Variants in ZMAT4 observed in about 807,000 individuals in gnomAD.
ZMAT4 encodes the protein zinc finger matrin-type protein 4.
A neutral mutation model predicts 28.7 loss-of-function variants in ZMAT4; 17 were observed. The ratio of observed to expected loss-of-function variants is 0.59; its 90% CI spans 0.41 to 0.89. The LOEUF (loss-of-function observed/expected upper bound fraction) is 0.89. Ranked by LOEUF, ZMAT4 falls within the 40% of genes least tolerant of loss-of-function variation. The pLI is 0.00. For synonymous variants in ZMAT4, 117 were observed against 109.2 expected (o/e 1.07, Z -0.44); for missense variants, 240 against 283.8 (o/e 0.85, Z 1.11).
intron 4 of ZMAT4, among the ~76,000 whole-genome samples, chr8:40,687,436 G>A (rs557261990): frequency 5.9e-5 from 9 of 152,216 alleles, no homozygotes; most frequent in Admixed American, 5.9e-4. Context: ...GAGAGATATT[G>A]GGTAAAGCAT....
intron 3 of ZMAT4, among the ~76,000 whole-genome samples, chr8:40,756,888 C>T (rs755624165): frequency 3.9e-5 from 6 of 152,198 alleles, no homozygotes; most frequent in African/African-American, 7.2e-5. Flanking sequence ...ACTGAGCTCA[C>T]GGCCAGCATT....
At chr8:40,535,909 G>C (rs1266783288) in intron 6 of ZMAT4, among the ~76,000 whole-genome samples, 1 of 152,126 alleles carries the variant, frequency 6.6e-6, no homozygotes, top group African/African-American at 2.4e-5. Context: ...AGCTTATAGT[G>C]ACAAGGAAAA....
intron 5 of ZMAT4, among the ~76,000 whole-genome samples, chr8:40,600,593 C>T (rs1805267528): frequency 3.3e-5 from 5 of 152,184 alleles, no homozygotes. Context: ...AATTCTATGC[C>T]CCAGGACAGA....
At chr8:40,765,968 A>C (rs1813141842) in intron 3 of ZMAT4, among the ~76,000 whole-genome samples, 1 of 152,226 alleles carries the variant, frequency 6.6e-6, no homozygotes, top group South Asian at 2.1e-4. Flanking sequence ...TCCAGTAGCC[A>C]TAGAGTTCGG....
At chr8:40,653,860 C>T (rs1158582719) in intron 5 of ZMAT4, among the ~76,000 whole-genome samples, 9 of 152,144 alleles carry the variant, frequency 5.9e-5, no homozygotes, top group African/African-American at 4.8e-5. Flanking sequence ...CAATCCTTCA[C>T]AAAGTCTTTC....
intron 1 of ZMAT4, among the ~76,000 whole-genome samples, chr8:40,852,751 G>T (rs1817156986): frequency 6.6e-6 from 1 of 152,010 alleles, no homozygotes; most frequent in African/African-American, 2.4e-5. Flanking sequence ...ATCATGCATT[G>T]GTAAAACTGT....
chr8:40,586,525 G>A (rs779051160), intron 5 of ZMAT4, among the ~76,000 whole-genome samples: 97 of 152,182 alleles, frequency 6.4e-4, no homozygotes, highest in Non-Finnish European at 1.1e-3. Context: ...CTAGAGGAGA[G>A]GAGATTGTTT....
chr8:40,661,694 T>C (rs937327634), intron 5 of ZMAT4, among the ~76,000 whole-genome samples: 6 of 152,232 alleles, frequency 3.9e-5, no homozygotes, highest in Non-Finnish European at 7.3e-5. Context: ...GGATCTCTTG[T>C]TTTGTCAAAT....
At chr8:40,747,103 C>T (rs536421919) in intron 3 of ZMAT4, among the ~76,000 whole-genome samples, 28 of 152,266 alleles carry the variant, frequency 1.8e-4, no homozygotes, top group Admixed American at 7.2e-4. Flanking sequence ...TGCCAGAATA[C>T]GCACGAAACT....
At chr8:40,583,220 G>A (rs1472464046) in intron 5 of ZMAT4, among the ~76,000 whole-genome samples, 2 of 152,154 alleles carry the variant, frequency 1.3e-5, no homozygotes, top group African/African-American at 4.8e-5. Flanking sequence ...GTCATCACCT[G>A]CAAGATCCAA....
Position 40,668,879 on chromosome 8 carries a change from G to GTT in ZMAT4, c.577+5823_577+5824dup, listed in dbSNP as rs36023323. Among the ~76,000 whole-genome samples, 756 of 146,722 alleles carry GTT rather than the reference G, an allele frequency of 5.2e-3. 1 individual carries two copies. The highest frequency in any genetic ancestry group is 0.011 in the Middle Eastern group (3 of 278). ...CCAGTAAGGAACTGCCTTTTAAAGT[G>GTT]TTTTTTTTTTTTTATATTGGACAAT... is the stretch of plus-strand genomic sequence containing the variant. On this transcript the variant is annotated intron_variant, in intron 5 of 6. Transcript: ENST00000297737.
In ZMAT4 at chr8:40,532,174, G is replaced by A. The variant is rs372127993; in HGVS notation, c.*49C>T. ...TGGTGGTTGATAAGCAATTCTCCAC[G>A]GCAGAGAAATGCTAATGTTTTGTTC... On this transcript the variant is annotated 3_prime_UTR_variant, in exon 7 of 7. Transcript: ENST00000297737. 26 of 1,534,168 alleles carry A rather than the reference G, an allele frequency of 1.7e-5. 1 individual carries two copies. Among genetic ancestry groups the A allele is most frequent in the African/African-American group, 8.3e-5 (6 of 72,158 alleles).
intron 2 of ZMAT4, among the ~76,000 whole-genome samples, chr8:40,820,258 A>T (rs1307712025): frequency 7.0e-6 from 1 of 142,686 alleles, no homozygotes; most frequent in East Asian, 2.1e-4. Flanking sequence ...ATATGTGAGT[A>T]TTGGTGTGTG....
chr8:40,655,559 T>C (rs964942330), intron 5 of ZMAT4, among the ~76,000 whole-genome samples: 1 of 151,156 alleles, frequency 6.6e-6, no homozygotes, highest in African/African-American at 2.4e-5. Flanking sequence ...TAAAACTTAC[T>C]ACAATGCTAC....
At chr8:40,719,106 C>A (rs960252066) in intron 3 of ZMAT4, among the ~76,000 whole-genome samples, 17 of 152,138 alleles carry the variant, frequency 1.1e-4, no homozygotes, top group Non-Finnish European at 4.4e-5. Flanking sequence ...CTGATGTTTT[C>A]TTCTCTCTCT....
chr8:40,881,536 A>AAAG (rs144607359), intron 1 of ZMAT4, among the ~76,000 whole-genome samples: 1 of 47,114 alleles, frequency 2.1e-5, no homozygotes, highest in Non-Finnish European at 4.2e-5. Flanking sequence ...GACAGAAAGA[A>AAAG]AGAAAGAAAG....
intron 1 of ZMAT4, among the ~76,000 whole-genome samples, chr8:40,827,601 A>C (rs543594749): frequency 2.1e-3 from 317 of 152,318 alleles, no homozygotes; most frequent in Non-Finnish European, 3.7e-3. Flanking sequence ...GCAATTCAAA[A>C]GGATTCACAG....
At chr8:40,758,030 C>T (rs1213036450) in intron 3 of ZMAT4, among the ~76,000 whole-genome samples, 3 of 152,154 alleles carry the variant, frequency 2.0e-5, no homozygotes, top group South Asian at 4.1e-4. Flanking sequence ...CCTGGACCTT[C>T]GACCACAGAC....
chr8:40,581,596 C>T (rs533748435), intron 5 of ZMAT4, among the ~76,000 whole-genome samples: 1 of 152,298 alleles, frequency 6.6e-6, no homozygotes. Flanking sequence ...ACACTGTCAT[C>T]TCTGCAGTGA....
Sources: gnomAD v4.1 joint callset for allele counts (sites outside exome capture counted in the v4.1 genomes callset) on GRCh38, gnomAD v4.1.1 for gene constraint, MANE v1.5 for transcripts, NCBI Gene and HGNC (gene_info 2026-07-23, HGNC 2026-07-21) for gene names.